Variants in TEX15 observed in about 807,000 individuals in gnomAD.
TEX15 encodes the protein testis expressed 15, meiosis and synapsis associated, also known as testis-expressed protein 15.
In TEX15, 171 loss-of-function variants were observed where a neutral mutation model predicts 237.3. That is an observed-to-expected ratio of 0.72 (90% CI 0.64 to 0.82). TEX15 has a LOEUF of 0.82. Among genes scored for constraint, TEX15 ranks in the 40% least tolerant of loss-of-function variants. TEX15 has a pLI of 0.00. For missense variants in TEX15, 3,750 were observed against 3,646.5 expected, an observed-to-expected ratio of 1.03 and a Z score of -0.73; for synonymous variants, 1,338 against 1,269.8, an observed-to-expected ratio of 1.05 and a Z score of -1.14.
In TEX15 at chr8:30,848,530, T is replaced by C; in HGVS notation, c.1637A>G (p.Asn546Ser). 7 of 1,614,128 alleles carry C rather than the reference T, an allele frequency of 4.3e-6. No individual in the cohort carries two copies. The highest frequency in any genetic ancestry group is 5.9e-6 in the Non-Finnish European group (7 of 1,179,992). ...TTGGTTCTCAACCTCTGACACTACA[T>C]TTGACACAGAAATTGGGAAGGAAAA... The part of the protein sequence containing the change: ...GNFSFPISVS[N>S]VVSEVENQNH... Residue 546 changes from asparagine (N) to serine (S), a missense_variant, in exon 8 of 11, where the codon AAT (asparagine) becomes AGT (serine). Physicochemically the swap from Asn to Ser is conservative, Grantham distance 46. Coordinates refer to ENST00000643185, the MANE Select transcript of TEX15 (RefSeq NM_001350162.2).
intron 7 of TEX15, among the ~76,000 whole-genome samples, chr8:30,850,423 TTAA>T (rs1807752553): frequency 6.6e-6 from 1 of 152,188 alleles, no homozygotes; most frequent in Non-Finnish European, 1.5e-5. Context: ...AAAACAGGAA[TTAA>T]TGATGAGAAA....
chr8:30,910,553 T>TC (rs1215044933), intron 1 of TEX15, among the ~76,000 whole-genome samples: 3 of 150,704 alleles, frequency 2.0e-5, no homozygotes, highest in African/African-American at 4.9e-5. Flanking sequence ...CAAGCAATCT[T>TC]CCCATTTTAG....
In TEX15 at chr8:30,846,084, T is replaced by C. The variant is rs752207089; in HGVS notation, c.4083A>G (p.Leu1361=). The C allele has an allele frequency of 2.5e-6, 4 of 1,613,374 alleles. No homozygotes were observed. The highest frequency in any genetic ancestry group is 2.7e-5 in the African/African-American group (2 of 74,908). Residue 1361 remains leucine, a synonymous_variant, in exon 8 of 11, where the codon CTA becomes CTG. Transcript: ENST00000643185. ...SQSEKHIKSV[L]NILSDEASLC... is the part of the protein sequence containing the mutation. ...AAGATGCTTCATCACTTAGGATATT[T>C]AGGACACTCTTAATGTGCTTTTCTG... is the stretch of plus-strand genomic sequence containing the variant.
At chr8:30,855,264 C>A (rs1416908693) in intron 7 of TEX15, among the ~76,000 whole-genome samples, 1 of 152,074 alleles carries the variant, frequency 6.6e-6, no homozygotes, top group Non-Finnish European at 1.5e-5. Flanking sequence ...ACTATAATTA[C>A]ACAAAATCAA....
chr8:30,886,637 G>C (rs1808651951), intron 3 of TEX15, among the ~76,000 whole-genome samples: 1 of 152,218 alleles, frequency 6.6e-6, no homozygotes, highest in Non-Finnish European at 1.5e-5. Flanking sequence ...CAGAGTCCAG[G>C]ATCCCCACTC....
chr8:30,911,253 G>A (rs1020528955), intron 1 of TEX15, among the ~76,000 whole-genome samples: 16 of 152,274 alleles, frequency 1.1e-4, no homozygotes, highest in African/African-American at 3.1e-4. Context: ...CCGAATAGTT[G>A]AGATTACAGG....
In TEX15 at chr8:30,847,453, T is replaced by C; in HGVS notation, c.2714A>G (p.Lys905Arg). Residue 905 changes from lysine to arginine, a missense_variant, in exon 8 of 11, where the codon AAA becomes AGA. By Grantham distance (26) the Lys-to-Arg change is conservative. Transcript: ENST00000643185. ...NFSNIDEKEDKNYHNIEILSS... is the reference protein window; with the variant it reads ...NFSNIDEKEDRNYHNIEILSS... ...CAAAATTTCTATATTGTGGTAATTT[T>C]TGTCCTCCTTTTCATCTATATTGCT... 2.5e-6 allele frequency: 4 copies of C among 1,611,556 alleles called. No homozygotes were observed. The highest frequency in any genetic ancestry group is 3.4e-6 in the Non-Finnish European group (4 of 1,179,450).
intron 2 of TEX15, among the ~76,000 whole-genome samples, chr8:30,895,180 CA>C (rs35867628): frequency 1.4e-5 from 2 of 147,330 alleles, no homozygotes; most frequent in Non-Finnish European, 3.0e-5. Context: ...AGGCCCATAC[CA>C]AAAAAAATAT....
At chr8:30,881,320 T>C (rs1808515228) in intron 3 of TEX15, among the ~76,000 whole-genome samples, 2 of 152,166 alleles carry the variant, frequency 1.3e-5, no homozygotes, top group Non-Finnish European at 2.9e-5. Flanking sequence ...TTTAAATCTT[T>C]AGAATTCTCC....
chr8:30,884,609 A>G (rs964499907), intron 3 of TEX15, among the ~76,000 whole-genome samples: 1 of 152,172 alleles, frequency 6.6e-6, no homozygotes, highest in Non-Finnish European at 1.5e-5. Context: ...TAGGTCACCA[A>G]ATTTATGGGC....
At position 30,887,909 on chromosome 8, in the gene TEX15, T is replaced by C. The variant is rs1244280170; in HGVS notation, c.-9-598A>G. ...TATTTCATATATATATATATATATA[T>C]ATATATATATATATATATATGAATT... On this transcript the variant is annotated intron_variant, in intron 2 of 10. Transcript: ENST00000643185. The C allele has an allele frequency of 2.8e-5, 4 of 141,746 alleles. No homozygotes were observed. In the Admixed American group the frequency reaches 2.8e-4, roughly 10 times the overall value. 8.8% of individuals were successfully genotyped at this position (141,746 alleles called of 1,614,324 possible).
intron 5 of TEX15, among the ~76,000 whole-genome samples, chr8:30,863,944 T>TA (rs1808103408): frequency 2.1e-5 from 2 of 97,424 alleles, no homozygotes; most frequent in Admixed American, 2.5e-4. Context: ...AACAGAAAAT[T>TA]AGAGCCCATT....
At chr8:30,862,322 A>G (rs1808068077) in intron 5 of TEX15, among the ~76,000 whole-genome samples, 1 of 152,180 alleles carries the variant, frequency 6.6e-6, no homozygotes, top group Non-Finnish European at 1.5e-5. Flanking sequence ...GCAGGTCTAC[A>G]GTGTAATATT....
chr8:30,906,430 A>C (rs1466441224), intron 1 of TEX15, among the ~76,000 whole-genome samples: 1 of 137,564 alleles, frequency 7.3e-6, no homozygotes, highest in Non-Finnish European at 1.5e-5. Context: ...CTAAAAATAC[A>C]AAAAAAAAAA....
rs548123042 is a variant in TEX15 at position 30,840,415 on chromosome 8, C to T, written c.8164-451G>A. On this transcript the variant is annotated intron_variant, in intron 8 of 10. Transcript: ENST00000643185. ...TTCACTATGTTGGTCAGGCTGGTCTCGAACTCCTGACCTCAGGTGATCCAT... is the reference window on the plus strand; with the variant it reads ...TTCACTATGTTGGTCAGGCTGGTCTTGAACTCCTGACCTCAGGTGATCCAT... Among the ~76,000 whole-genome samples the T allele has an allele frequency of 3.3e-5, 5 of 152,176 alleles. No homozygotes were observed. In the East Asian group the frequency reaches 5.8e-4, roughly 18 times the overall value.
intron 1 of TEX15, among the ~76,000 whole-genome samples, chr8:30,904,622 CT>C (rs1459423815): frequency 3.3e-5 from 5 of 152,088 alleles, no homozygotes; most frequent in Non-Finnish European, 2.9e-5. Flanking sequence ...TTTCCTCCCC[CT>C]GTGAGTTGTT....
At chr8:30,910,877 A>C (rs577086833) in intron 1 of TEX15, among the ~76,000 whole-genome samples, 1 of 152,108 alleles carries the variant, frequency 6.6e-6, no homozygotes, top group African/African-American at 2.4e-5. Context: ...GTAAAGAAAG[A>C]TCTATGTTTT....
At chr8:30,892,694 C>T (rs1301655389) in intron 2 of TEX15, among the ~76,000 whole-genome samples, 3 of 151,920 alleles carry the variant, frequency 2.0e-5, no homozygotes, top group Non-Finnish European at 4.4e-5. Context: ...TTTTACGTTA[C>T]TATATATGGT....
In TEX15 at chr8:30,847,852, G is replaced by A. The variant is rs1212229968; in HGVS notation, c.2315C>T (p.Pro772Leu). 6.2e-7 allele frequency: 1 copy of A among 1,613,748 alleles called. No individual in the cohort carries two copies. The highest frequency in any genetic ancestry group is 1.1e-5 in the South Asian group (1 of 91,062). Residue 772 changes from proline (P) to leucine (L), a missense_variant, in exon 8 of 11, where the codon CCC (proline) becomes CTC (leucine). By Grantham distance (98) the Pro-to-Leu change is moderately conservative. Transcript: ENST00000643185. ...ATCAATGAACATTTCTTTGGCCTGG[G>A]GTATGTCTTTTGGTTTCGGGAAAGC... ...TEAFPKPKDI[P>L]QAKEMFIDTV...
Sources: gnomAD v4.1 joint callset for allele counts (sites outside exome capture counted in the v4.1 genomes callset) on GRCh38, gnomAD v4.1.1 for gene constraint, MANE v1.5 for transcripts, NCBI Gene and HGNC (gene_info 2026-07-23, HGNC 2026-07-21) for gene names.